The following KCNIP1 variants were observed in gnomAD, a reference collection of about 807,000 sequenced individuals.
KCNIP1 encodes the protein potassium voltage-gated channel interacting protein 1.
Under a neutral mutation model 33.0 loss-of-function variants are expected in KCNIP1, and 18 were observed. The ratio of observed to expected loss-of-function variants is 0.55; its 90% CI spans 0.38 to 0.81. The LOEUF (loss-of-function observed/expected upper bound fraction) is 0.81, where lower values mean the gene tolerates loss of function less well. KCNIP1 is among the 30% of genes least tolerant of loss of function. The probability of loss-of-function intolerance (pLI) is 0.00; values close to 1 mark genes in which losing one functional copy is unlikely to be tolerated. For synonymous variants in KCNIP1, 93 were observed against 98.3 expected (o/e 0.95, Z 0.32); for missense variants, 238 against 271.6 (o/e 0.88, Z 0.87).
At chr5:170,595,393 T>C (rs539698791) in intron 1 of KCNIP1, among the ~76,000 whole-genome samples, 2 of 152,304 alleles carry the variant, frequency 1.3e-5, no homozygotes, top group African/African-American at 4.8e-5. Flanking sequence ...CTCACATGCA[T>C]GTGTGGCTGG....
Position 170,504,871 on chromosome 5 carries a change from C to T in KCNIP1, c.61+238C>T, listed in dbSNP as rs1754651230. 6.6e-6 allele frequency among the ~76,000 whole-genome samples: 1 copy of T among 152,168 alleles called. No homozygotes were observed. Among genetic ancestry groups the T allele is most frequent in the South Asian group, 2.1e-4 (1 of 4,822 alleles). ...TGGACCCCTCTGGGGCACCAGGTGT[C>T]GGGACTCTCCTCCTGGGGAAATCTC... is the stretch of plus-strand genomic sequence containing the variant. On this transcript the variant is annotated intron_variant, in intron 1 of 7. Transcript: ENST00000328939. This position sits in a 1 kb window ranked among gnomAD's most constrained non-coding sequence, Gnocchi z 6.0.
At chr5:170,558,065 A>T (rs994128952) in intron 1 of KCNIP1, among the ~76,000 whole-genome samples, 1 of 152,204 alleles carries the variant, frequency 6.6e-6, no homozygotes, top group African/African-American at 2.4e-5. Flanking sequence ...GATTTGGGTG[A>T]CAAGTCTCAG....
chr5:170,659,287 G>A (rs1380902161), intron 1 of KCNIP1, among the ~76,000 whole-genome samples: 3 of 152,062 alleles, frequency 2.0e-5, no homozygotes, highest in Admixed American at 6.6e-5. Flanking sequence ...TCCATTCGTG[G>A]TGGGTGTATG....
At chr5:170,536,761 GGCAAACA>G (rs1260735801) in intron 1 of KCNIP1, among the ~76,000 whole-genome samples, 1 of 152,150 alleles carries the variant, frequency 6.6e-6, no homozygotes, top group Non-Finnish European at 1.5e-5. Flanking sequence ...AAATGACCTT[GGCAAACA>G]GCCTTATGTA....
chr5:170,426,247 T>TCACACA (rs143211356), intron 1 of KCNIP1, among the ~76,000 whole-genome samples: 37,115 of 149,116 alleles, frequency 0.25, 4,578 homozygotes, highest in African/African-American at 0.29. Context: ...TCAAAAGGAA[T>TCACACA]CACACACACA....
chr5:170,486,890 A>G (rs1238951021), intron 1 of KCNIP1, among the ~76,000 whole-genome samples: 1 of 152,200 alleles, frequency 6.6e-6, no homozygotes, highest in Non-Finnish European at 1.5e-5. Context: ...TGGTCTCACT[A>G]TAATTTATTT....
chr5:170,504,229 C>T lies in KCNIP1; in HGVS notation c.-344C>T, dbSNP rs1581249473. 1.2e-5 allele frequency: 13 copies of T among 1,071,080 alleles called. No homozygotes were observed. In the East Asian group the frequency reaches 8.1e-4, roughly 67 times the overall value. The allele number at this position is 1,071,080 out of a possible 1,614,324, so 66.3% of individuals were successfully genotyped here. A position where few individuals can be genotyped will look rare whatever the true frequency, so the allele number is the denominator to read the frequency against. ...GCACGCGGCGCTGGCTCGGCAGCCT[C>T]GGCCGGGCGGCCGCTCTGGCCCCGT... is the stretch of plus-strand genomic sequence containing the variant. On this transcript the variant is annotated 5_prime_UTR_variant, in exon 1 of 8. Coordinates refer to ENST00000328939, the MANE Select transcript of KCNIP1 (RefSeq NM_014592.4). This position sits in a 1 kb window ranked among gnomAD's most constrained non-coding sequence, Gnocchi z 6.0.
chr5:170,649,472 G>A (rs1296713750), intron 1 of KCNIP1, among the ~76,000 whole-genome samples: 1 of 152,106 alleles, frequency 6.6e-6, no homozygotes, highest in Non-Finnish European at 1.5e-5. Context: ...GAGTGAGTGG[G>A]AGCTGAAATC....
intron 1 of KCNIP1, among the ~76,000 whole-genome samples, chr5:170,597,810 T>TG (rs1285502983): frequency 0.011 from 59 of 5,430 alleles, no homozygotes; most frequent in African/African-American, 0.016. Flanking sequence ...TATATATATA[T>TG]ATATATATAT....
At chr5:170,700,445 C>T (rs1484089357) in intron 1 of KCNIP1, among the ~76,000 whole-genome samples, 1 of 152,120 alleles carries the variant, frequency 6.6e-6, no homozygotes, top group Non-Finnish European at 1.5e-5. Context: ...GGCATCTGCC[C>T]GTGGTCCCTG....
chr5:170,631,395 A>G (rs547297417), intron 1 of KCNIP1, among the ~76,000 whole-genome samples: 3 of 152,152 alleles, frequency 2.0e-5, no homozygotes, highest in African/African-American at 7.2e-5. Context: ...CCACTGCCCC[A>G]GGAAGGGGCT....
At chr5:170,361,974 A>T (rs936727567) in intron 1 of KCNIP1, among the ~76,000 whole-genome samples, 1 of 152,204 alleles carries the variant, frequency 6.6e-6, no homozygotes, top group Non-Finnish European at 1.5e-5. Context: ...TCTGGGCTTC[A>T]GTCTCTTCAT....
chr5:170,533,925 T>C (rs776320847), intron 1 of KCNIP1, among the ~76,000 whole-genome samples: 2 of 152,180 alleles, frequency 1.3e-5, no homozygotes, highest in Non-Finnish European at 2.9e-5. Flanking sequence ...GGCGGTTGAC[T>C]GGGCCAGAAC....
intron 1 of KCNIP1, among the ~76,000 whole-genome samples, chr5:170,555,002 G>A (rs1381251733): frequency 6.6e-6 from 1 of 152,196 alleles, no homozygotes; most frequent in African/African-American, 2.4e-5. Context: ...CGAGGAATGG[G>A]CTCTATCTCC....
At chr5:170,407,231 T>A (rs1755059706) in intron 1 of KCNIP1, among the ~76,000 whole-genome samples, 1 of 152,172 alleles carries the variant, frequency 6.6e-6, no homozygotes, top group Non-Finnish European at 1.5e-5. Context: ...CGTGCCATGG[T>A]TAAGGACCCC....
intron 1 of KCNIP1, among the ~76,000 whole-genome samples, chr5:170,510,682 T>C (rs1263899358): frequency 2.6e-5 from 4 of 152,198 alleles, no homozygotes; most frequent in Non-Finnish European, 5.9e-5. Context: ...TAGCTTCCCG[T>C]ACCCCAGCCA....
intron 1 of KCNIP1, among the ~76,000 whole-genome samples, chr5:170,481,582 A>G (rs1368412280): frequency 2.0e-5 from 3 of 152,212 alleles, no homozygotes; most frequent in African/African-American, 4.8e-5. Flanking sequence ...CATCCAAGCT[A>G]TATGTTACAC....
At chr5:170,633,217 C>A (rs994205989) in intron 1 of KCNIP1, among the ~76,000 whole-genome samples, 1 of 152,018 alleles carries the variant, frequency 6.6e-6, no homozygotes, top group African/African-American at 2.4e-5. Flanking sequence ...GTAAGACAGG[C>A]GGAGCGGGAC....
At chr5:170,434,896 A>T (rs1755825800) in intron 1 of KCNIP1, among the ~76,000 whole-genome samples, 1 of 152,234 alleles carries the variant, frequency 6.6e-6, no homozygotes. Context: ...GGGAGGTTGC[A>T]GTGAGCCAAG....
Sources: gnomAD v4.1 joint callset for allele counts (sites outside exome capture counted in the v4.1 genomes callset) on GRCh38, gnomAD v4.1.1 for gene constraint, Gnocchi (gnomAD v3.1) non-coding constraint, MANE v1.5 for transcripts, NCBI Gene and HGNC (gene_info 2026-07-23, HGNC 2026-07-21) for gene names.